The following PTPRD variants were observed in gnomAD, a reference collection of about 807,000 sequenced individuals.
The protein encoded by PTPRD is protein tyrosine phosphatase receptor type D, also known as receptor-type tyrosine-protein phosphatase delta.
In PTPRD, 34 loss-of-function variants were observed where a neutral mutation model predicts 214.5. That is an observed-to-expected ratio of 0.16 (90% CI 0.12 to 0.21). The LOEUF (loss-of-function observed/expected upper bound fraction) is 0.21. Ranked by LOEUF, PTPRD falls within the 10% of genes least tolerant of loss-of-function variation. The pLI, the probability that PTPRD is intolerant of heterozygous loss-of-function variation, is 1.00. For synonymous variants in PTPRD, 1,128 were observed against 845.7 expected, an observed-to-expected ratio of 1.33 and a Z score of -5.79; for missense variants, 2,545 against 2,398.7, an observed-to-expected ratio of 1.06 and a Z score of -1.27.
chr9:8,589,081 T>C (rs2093900213), intron 14 of PTPRD, among the ~76,000 whole-genome samples: 1 of 152,228 alleles, frequency 6.6e-6, no homozygotes, highest in African/African-American at 2.4e-5. Context: ...TTTTGAGTGA[T>C]ATATAAGTAT....
At chr9:9,211,509 G>GCGCA (rs1463758096) in intron 9 of PTPRD, among the ~76,000 whole-genome samples, 16 of 118,668 alleles carry the variant, frequency 1.3e-4, no homozygotes, top group African/African-American at 5.1e-4. Flanking sequence ...CCCCCAGTGT[G>GCGCA]CGCACGCACA....
intron 12 of PTPRD, among the ~76,000 whole-genome samples, chr9:8,706,102 A>G (rs908618932): frequency 1.3e-5 from 2 of 152,256 alleles, no homozygotes; most frequent in African/African-American, 4.8e-5. Flanking sequence ...GCAAAGGAGA[A>G]AAGAAGCCAA....
chr9:9,040,147 G>A (rs1464224872), intron 10 of PTPRD, among the ~76,000 whole-genome samples: 1 of 152,144 alleles, frequency 6.6e-6, no homozygotes, highest in East Asian at 1.9e-4. Context: ...CCCATGCAAG[G>A]GGAAAGGGCT....
At chr9:8,734,718 C>G (rs897824988) in intron 11 of PTPRD, among the ~76,000 whole-genome samples, 8 of 152,268 alleles carry the variant, frequency 5.3e-5, no homozygotes, top group Admixed American at 4.6e-4. Flanking sequence ...AAAGATGAGT[C>G]AGGTTCTATT....
intron 8 of PTPRD, among the ~76,000 whole-genome samples, chr9:9,551,820 T>C (rs866453185): frequency 2.7e-4 from 41 of 151,916 alleles, no homozygotes; most frequent in African/African-American, 9.7e-4. Flanking sequence ...TATCTGCTAG[T>C]GGACTGTAAT....
intron 3 of PTPRD, among the ~76,000 whole-genome samples, chr9:10,252,659 C>A (rs1034259939): frequency 6.6e-6 from 1 of 152,084 alleles, no homozygotes; most frequent in Non-Finnish European, 1.5e-5. Flanking sequence ...TGTTACATAG[C>A]GATAGATAAA....
intron 14 of PTPRD, among the ~76,000 whole-genome samples, chr9:8,530,525 T>C (rs1298714725): frequency 6.6e-6 from 1 of 152,140 alleles, no homozygotes; most frequent in Admixed American, 6.6e-5. Flanking sequence ...CTTGTACTTA[T>C]TAACTCATGA....
intron 4 of PTPRD, among the ~76,000 whole-genome samples, chr9:10,006,130 T>A (rs568346132): frequency 2.0e-5 from 3 of 152,052 alleles, no homozygotes; most frequent in Non-Finnish European, 4.4e-5. Context: ...CATTTTTAGA[T>A]TTCAAAGTTT....
intron 2 of PTPRD, among the ~76,000 whole-genome samples, chr9:10,487,747 G>A (rs1466058019): frequency 6.6e-6 from 1 of 151,864 alleles, no homozygotes; most frequent in Non-Finnish European, 1.5e-5. Context: ...AAATTGATAG[G>A]TGCAGCAAAC....
At chr9:9,603,476 G>C (rs957860304) in intron 7 of PTPRD, among the ~76,000 whole-genome samples, 1 of 152,150 alleles carries the variant, frequency 6.6e-6, no homozygotes, top group Non-Finnish European at 1.5e-5. Context: ...TAAGGACACA[G>C]ACTTGAACCA....
intron 2 of PTPRD, among the ~76,000 whole-genome samples, chr9:10,491,191 G>A (rs937563538): frequency 5.9e-5 from 9 of 152,082 alleles, no homozygotes; most frequent in Admixed American, 6.6e-5. Context: ...ACAAATGAAT[G>A]TTAAAGGTAA....
intron 9 of PTPRD, among the ~76,000 whole-genome samples, chr9:9,198,324 A>G (rs962263326): frequency 2.6e-5 from 4 of 151,598 alleles, no homozygotes; most frequent in South Asian, 4.1e-4. Flanking sequence ...AAGTTTGGTT[A>G]ATTTTTGTAC....
intron 2 of PTPRD, among the ~76,000 whole-genome samples, chr9:10,455,695 C>A (rs1035663031): frequency 1.3e-5 from 2 of 151,710 alleles, no homozygotes; most frequent in African/African-American, 2.4e-5. Flanking sequence ...AGAACCAATA[C>A]AATATGTTCT....
intron 9 of PTPRD, among the ~76,000 whole-genome samples, chr9:9,355,430 T>A (rs2053392906): frequency 6.6e-6 from 1 of 151,638 alleles, no homozygotes; most frequent in East Asian, 1.9e-4. Flanking sequence ...AGATAGATCT[T>A]CATAGCATTT....
chr9:8,420,062 T>C (rs893240722), intron 35 of PTPRD, among the ~76,000 whole-genome samples: 6 of 152,100 alleles, frequency 3.9e-5, no homozygotes, highest in African/African-American at 7.2e-5. Context: ...GTAACAAACG[T>C]AGACAAAAAT....
chr9:8,632,812 G>A (rs1437074162), intron 14 of PTPRD, among the ~76,000 whole-genome samples: 1 of 151,948 alleles, frequency 6.6e-6, no homozygotes, highest in African/African-American at 2.4e-5. Flanking sequence ...AAAGATAACA[G>A]ACAAATAAAA....
chr9:10,600,209 T>C (rs2077614308), intron 2 of PTPRD, among the ~76,000 whole-genome samples: 1 of 151,754 alleles, frequency 6.6e-6, no homozygotes, highest in Non-Finnish European at 1.5e-5. Context: ...TCTTTAAAGA[T>C]CTTTTTTAAT....
intron 10 of PTPRD, among the ~76,000 whole-genome samples, chr9:9,124,022 G>C (rs1313408522): frequency 2.6e-4 from 40 of 152,144 alleles, no homozygotes; most frequent in Non-Finnish European, 8.8e-5. Flanking sequence ...GGGGGAGGGA[G>C]GTTAAGTAGT....
intron 3 of PTPRD, among the ~76,000 whole-genome samples, chr9:10,281,396 G>A (rs553253014): frequency 6.8e-6 from 1 of 147,334 alleles, no homozygotes; most frequent in South Asian, 2.1e-4. Context: ...GATGAGATGA[G>A]GTGAAAGGCA....
Sources: allele counts gnomAD v4.1 joint callset (sites outside exome capture counted in the v4.1 genomes callset), GRCh38; gene constraint gnomAD v4.1.1; transcripts MANE v1.5; gene names NCBI Gene and HGNC (gene_info 2026-07-23, HGNC 2026-07-21).